TRABD2B: variants seen among roughly 807,000 people sequenced by gnomAD.
TRABD2B encodes metalloprotease TIKI2.
In TRABD2B, 14 loss-of-function variants were observed where a neutral mutation model predicts 40.1. The ratio of observed to expected loss-of-function variants is 0.35; its 90% CI spans 0.23 to 0.55. The LOEUF is 0.55. Ranked by LOEUF, TRABD2B falls within the 20% of genes least tolerant of loss-of-function variation. TRABD2B has a pLI of 0.90. For missense variants in TRABD2B, 541 were observed against 648.6 expected, an observed-to-expected ratio of 0.83 and a Z score of 1.80; for synonymous variants, 263 against 277.0, an observed-to-expected ratio of 0.95 and a Z score of 0.50.
chr1:47,803,888 G>A (rs1314334359), intron 2 of TRABD2B, among the ~76,000 whole-genome samples: 1 of 152,190 alleles, frequency 6.6e-6, no homozygotes, highest in Non-Finnish European at 1.5e-5. Flanking sequence ...TACAACTTCT[G>A]CACTCTGCAT....
At position 47,959,999 on chromosome 1, in the gene TRABD2B, A is replaced by G. The variant is rs186015214; in HGVS notation, c.666+34035T>C. On this transcript the variant is annotated intron_variant, in intron 2 of 6. Transcript: ENST00000606738. Reference sequence around the variant, plus strand: ...GGCAAACCGAATCCAGCAGCATATCAAAAAGCTTATCCACCACGATCAAGC... The same window carrying G: ...GGCAAACCGAATCCAGCAGCATATCGAAAAGCTTATCCACCACGATCAAGC... Among the ~76,000 whole-genome samples the G allele has an allele frequency of 5.8e-3, 878 of 152,346 alleles. 9 individuals carry two copies. Among genetic ancestry groups the G allele is most frequent in the African/African-American group, 0.019 (776 of 41,578 alleles).
intron 2 of TRABD2B, among the ~76,000 whole-genome samples, chr1:47,835,178 T>C (rs1645302036): frequency 6.6e-6 from 1 of 152,086 alleles, no homozygotes; most frequent in Non-Finnish European, 1.5e-5. Context: ...CTAGAGGAGC[T>C]CAAAATATTT....
At chr1:47,853,290 G>T (rs1218223786) in intron 2 of TRABD2B, among the ~76,000 whole-genome samples, 2 of 152,194 alleles carry the variant, frequency 1.3e-5, no homozygotes, top group Non-Finnish European at 2.9e-5. Flanking sequence ...GCATTGTCTA[G>T]CAGTGGCCCG....
chr1:47,850,795 C>G (rs922070391), intron 2 of TRABD2B, among the ~76,000 whole-genome samples: 6 of 152,210 alleles, frequency 3.9e-5, no homozygotes, highest in African/African-American at 1.4e-4. Flanking sequence ...TGGTCCCCAA[C>G]CTTTTTGGCA....
intron 2 of TRABD2B, among the ~76,000 whole-genome samples, chr1:47,931,372 T>A (rs1416057662): frequency 6.6e-6 from 1 of 152,116 alleles, no homozygotes; most frequent in South Asian, 2.1e-4. Context: ...CCCCACCTTA[T>A]GTTTTCTCCA....
chr1:47,924,538 G>C (rs1409347060), intron 2 of TRABD2B, among the ~76,000 whole-genome samples: 1 of 152,182 alleles, frequency 6.6e-6, no homozygotes, highest in African/African-American at 2.4e-5. Flanking sequence ...AGCTGGAACA[G>C]ATGCACCCAG....
intron 2 of TRABD2B, among the ~76,000 whole-genome samples, chr1:47,856,372 G>A (rs1035815728): frequency 2.0e-5 from 3 of 152,240 alleles, no homozygotes; most frequent in African/African-American, 7.2e-5. Context: ...ATTAGTGAGT[G>A]AACGCATGAG....
chr1:47,978,499 C>A (rs1645792831), intron 2 of TRABD2B, among the ~76,000 whole-genome samples: 2 of 152,332 alleles, frequency 1.3e-5, no homozygotes, highest in African/African-American at 4.8e-5. Context: ...CAACCCAGCA[C>A]AGGCCCAGAC....
intron 4 of TRABD2B, among the ~76,000 whole-genome samples, chr1:47,782,882 G>A (rs1418847216): frequency 2.0e-4 from 31 of 152,214 alleles, no homozygotes; most frequent in Admixed American, 2.0e-3. Flanking sequence ...TGCAAGGCTT[G>A]CCCAGGCTCC....
chr1:47,795,720 C>T (rs1644739030), intron 3 of TRABD2B: 5 of 985,174 alleles, frequency 5.1e-6, no homozygotes, highest in Non-Finnish European at 6.0e-6. Context: ...TTTGATTTTC[C>T]CAATGCCTGA....
chr1:47,865,997 T>C (rs1644051079), intron 2 of TRABD2B, among the ~76,000 whole-genome samples: 2 of 152,200 alleles, frequency 1.3e-5, no homozygotes, highest in South Asian at 2.1e-4. Flanking sequence ...GCTTTAAGGA[T>C]TAAAGTCTGA....
chr1:47,844,153 C>T (rs1450098052), intron 2 of TRABD2B, among the ~76,000 whole-genome samples: 1 of 152,202 alleles, frequency 6.6e-6, no homozygotes, highest in Admixed American at 6.5e-5. Context: ...CCGTCCCCTG[C>T]AGCCCCAGTG....
At chr1:47,816,315 TC>T (rs1422666903) in intron 2 of TRABD2B, among the ~76,000 whole-genome samples, 7 of 152,092 alleles carry the variant, frequency 4.6e-5, no homozygotes, top group African/African-American at 1.7e-4. Flanking sequence ...CACGGCACTC[TC>T]CCAGGCTCAA....
chr1:47,908,182 C>G (rs1644703729), intron 2 of TRABD2B, among the ~76,000 whole-genome samples: 1 of 152,050 alleles, frequency 6.6e-6, no homozygotes. Context: ...TAATAATAAT[C>G]CCATTTTTAT....
chr1:47,801,736 G>T, intron 2 of TRABD2B, 117 bp from the exon 3 acceptor site: 3 of 1,290,764 alleles, frequency 2.3e-6, no homozygotes, highest in Non-Finnish European at 3.1e-6. Context: ...GAGAAGGTGT[G>T]TGGGGCTGGC....
At chr1:47,928,176 C>T (rs1475940581) in intron 2 of TRABD2B, among the ~76,000 whole-genome samples, 1 of 152,184 alleles carries the variant, frequency 6.6e-6, no homozygotes, top group Admixed American at 6.5e-5. Flanking sequence ...TTACAGGAAG[C>T]CACACAGTAA....
intron 2 of TRABD2B, among the ~76,000 whole-genome samples, chr1:47,857,321 A>C (rs1338576492): frequency 3.9e-5 from 6 of 152,110 alleles, no homozygotes; most frequent in Admixed American, 3.9e-4. Context: ...CTGAGCTCTC[A>C]TCTTCTTAGC....
intron 2 of TRABD2B, among the ~76,000 whole-genome samples, chr1:47,948,080 C>T (rs557688641): frequency 1.7e-4 from 26 of 152,168 alleles, no homozygotes; most frequent in Admixed American, 2.0e-4. Flanking sequence ...TTTGGGGGGC[C>T]GTGGGCTTTG....
chr1:47,854,291 T>C (rs1643868378), intron 2 of TRABD2B, among the ~76,000 whole-genome samples: 1 of 152,226 alleles, frequency 6.6e-6, no homozygotes. Context: ...GGAAAGGTTG[T>C]GAATGACTTA....
Sources: gnomAD v4.1 joint callset for allele counts (sites outside exome capture counted in the v4.1 genomes callset) on GRCh38, gnomAD v4.1.1 for gene constraint, MANE v1.5 for transcripts, NCBI Gene and HGNC (gene_info 2026-07-23, HGNC 2026-07-21) for gene names.